CADM2: variants seen among roughly 807,000 people sequenced by gnomAD.
CADM2 encodes the protein cell adhesion molecule 2.
Under a neutral mutation model 49.8 loss-of-function variants are expected in CADM2, and 12 were observed. The ratio of observed to expected loss-of-function variants is 0.24; its 90% CI spans 0.15 to 0.39. CADM2 has a LOEUF of 0.39. CADM2 is among the 10% of genes least tolerant of loss of function. The probability of loss-of-function intolerance (pLI) is 1.00; values close to 1 mark genes in which losing one functional copy is unlikely to be tolerated. For missense variants in CADM2, 378 were observed against 492.3 expected (o/e 0.77, Z 2.20); for synonymous variants, 214 against 175.4 (o/e 1.22, Z -1.74).
At chr3:85,257,068 T>A (rs72917160) in intron 1 of CADM2, among the ~76,000 whole-genome samples, 10,026 of 152,098 alleles carry the variant, frequency 0.066, 1,072 homozygotes, top group African/African-American at 0.23. Flanking sequence ...TCATATTTTA[T>A]GATAAGAAAA....
chr3:85,844,365 C>A (rs1035658630), intron 3 of CADM2, among the ~76,000 whole-genome samples: 41 of 151,714 alleles, frequency 2.7e-4, no homozygotes. Context: ...AAAAACAAAC[C>A]CTTTTTTAAA....
chr3:86,035,773 T>A (rs1438376101), intron 8 of CADM2, among the ~76,000 whole-genome samples: 1 of 152,122 alleles, frequency 6.6e-6, no homozygotes, highest in Non-Finnish European at 1.5e-5. Context: ...AACTTACCAT[T>A]CTTTGTTAGT....
chr3:85,847,476 G>A (rs764856561), intron 3 of CADM2, among the ~76,000 whole-genome samples: 17 of 152,084 alleles, frequency 1.1e-4, no homozygotes, highest in Non-Finnish European at 1.8e-4. Context: ...TGCTTCAGAT[G>A]GGAAATGTTA....
At chr3:86,020,868 C>T in intron 8 of CADM2, among the ~76,000 whole-genome samples, 1 of 152,048 alleles carries the variant, frequency 6.6e-6, no homozygotes. Context: ...ATGACAAACC[C>T]ACAGCCAATA....
intron 2 of CADM2, among the ~76,000 whole-genome samples, chr3:85,758,659 A>G (rs977623876): frequency 5.3e-5 from 8 of 152,174 alleles, no homozygotes; most frequent in Non-Finnish European, 8.8e-5. Context: ...TATGTAATCC[A>G]TTAAACTTAA....
intron 1 of CADM2, among the ~76,000 whole-genome samples, chr3:85,060,944 A>T (rs1056998374): frequency 6.6e-6 from 1 of 152,160 alleles, no homozygotes; most frequent in African/African-American, 2.4e-5. Flanking sequence ...CCATCCAAAA[A>T]ATAGTAATAC....
At chr3:85,027,538 AC>A (rs2034791916) in intron 1 of CADM2, among the ~76,000 whole-genome samples, 1 of 152,024 alleles carries the variant, frequency 6.6e-6, no homozygotes, top group South Asian at 2.1e-4. Context: ...CTTGACTACC[AC>A]TTTTATATTT....
chr3:85,421,370 G>A lies in CADM2; in HGVS notation c.62-305152G>A, dbSNP rs574061892. ...TGTTTCTATTTTTAAGAGTGTAGGCGATATTTAGGAATGAATTTAAATTAT... is the reference window on the plus strand; with the variant it reads ...TGTTTCTATTTTTAAGAGTGTAGGCAATATTTAGGAATGAATTTAAATTAT... On this transcript the variant is annotated intron_variant, in intron 1 of 9. Transcript: ENST00000383699. 5.3e-5 allele frequency among the ~76,000 whole-genome samples: 8 copies of A among 152,138 alleles called. No homozygotes were observed. The East Asian group carries it at 1.2e-3, about 22-fold the overall frequency.
intron 9 of CADM2, 92 bp downstream of exon 9, chr3:86,065,822 G>A: frequency 8.0e-7 from 1 of 1,253,046 alleles, no homozygotes; most frequent in Non-Finnish European, 1.1e-6. Context: ...ATATGTTTCT[G>A]TACATGTGTA....
At chr3:85,680,116 T>A (rs970353629) in intron 1 of CADM2, among the ~76,000 whole-genome samples, 6 of 152,146 alleles carry the variant, frequency 3.9e-5, no homozygotes, top group Non-Finnish European at 8.8e-5. Flanking sequence ...AAGGCCATTT[T>A]AAAAGTATTC....
At chr3:85,918,483 C>T (rs1186658569) in intron 6 of CADM2, among the ~76,000 whole-genome samples, 1 of 152,124 alleles carries the variant, frequency 6.6e-6, no homozygotes, top group Non-Finnish European at 1.5e-5. Context: ...TTGGACCAGC[C>T]TTGCATCTCA....
rs2074577380 is a variant in CADM2, at chr3:85,840,107, C to A, written c.238+37911C>A. Among the ~76,000 whole-genome samples, 2 of 151,740 alleles carry A rather than the reference C, an allele frequency of 1.3e-5. 1 individual carries two copies. The highest frequency in any genetic ancestry group is 1.3e-4 in the Admixed American group (2 of 15,180). ...TTCAACATGCGTCCTTTTTTGACAG[C>A]CATGTTTTTTAGTTCAATAAATGTT... On this transcript the variant is annotated intron_variant, in intron 3 of 9. Coordinates refer to ENST00000383699, the MANE Select transcript of CADM2 (RefSeq NM_001167675.2).
chr3:85,039,140 T>C (rs893960429), intron 1 of CADM2, among the ~76,000 whole-genome samples: 1 of 152,086 alleles, frequency 6.6e-6, no homozygotes, highest in Non-Finnish European at 1.5e-5. Context: ...TAGCTGGGAT[T>C]AGAGGTACCC....
chr3:85,519,712 T>C (rs1474774617), intron 1 of CADM2, among the ~76,000 whole-genome samples: 1 of 152,098 alleles, frequency 6.6e-6, no homozygotes, highest in Non-Finnish European at 1.5e-5. Context: ...CAATGCAATA[T>C]AAACACAGAA....
chr3:85,717,935 A>T (rs1018602684), intron 1 of CADM2, among the ~76,000 whole-genome samples: 7 of 151,764 alleles, frequency 4.6e-5, no homozygotes, highest in African/African-American at 7.3e-5. Context: ...GCCTGGCTAA[A>T]TTTTTTGTAT....
At chr3:85,829,217 A>T (rs2074067994) in intron 3 of CADM2, among the ~76,000 whole-genome samples, 1 of 151,938 alleles carries the variant, frequency 6.6e-6, no homozygotes, top group Non-Finnish European at 1.5e-5. Context: ...GCCATTCAAG[A>T]TAATGTCTGT....
chr3:85,012,576 A>G (rs896103080), intron 1 of CADM2, among the ~76,000 whole-genome samples: 5 of 150,626 alleles, frequency 3.3e-5, no homozygotes, highest in African/African-American at 1.2e-4. Context: ...AACAATGAAC[A>G]ATATTAAAAT....
chr3:85,831,708 G>A (rs2074194872), intron 3 of CADM2, among the ~76,000 whole-genome samples: 1 of 151,802 alleles, frequency 6.6e-6, no homozygotes, highest in Admixed American at 6.6e-5. Context: ...AATCGTTTAA[G>A]TTCCTTATAG....
intron 1 of CADM2, among the ~76,000 whole-genome samples, chr3:85,714,642 G>A (rs1338208909): frequency 6.6e-6 from 1 of 152,014 alleles, no homozygotes; most frequent in Non-Finnish European, 1.5e-5. Flanking sequence ...GTGTTAGCTA[G>A]GATGGTCTCG....
Sources: allele counts gnomAD v4.1 joint callset (sites outside exome capture counted in the v4.1 genomes callset), GRCh38; gene constraint gnomAD v4.1.1; transcripts MANE v1.5; gene names NCBI Gene and HGNC (gene_info 2026-07-23, HGNC 2026-07-21).